DRC8: variants seen among roughly 807,000 people sequenced by gnomAD.
The protein encoded by DRC8 is dynein regulatory complex protein 8.
At chr1:244,990,270 T>TA in the DRC8 span, among the ~76,000 whole-genome samples, 1 of 152,260 alleles carries the variant, frequency 6.6e-6, no homozygotes, top group Non-Finnish European at 1.5e-5. Flanking sequence ...AGGCCATTCA[T>TA]ATAGCTTCCA....
the DRC8 span, chr1:245,030,557 G>C: frequency 6.6e-6 from 1 of 152,134 alleles, no homozygotes; most frequent in African/African-American, 2.4e-5. Flanking sequence ...GGTAACACAG[G>C]GGCTCTCGTA....
At chr1:245,110,320 G>T in the DRC8 span, among the ~76,000 whole-genome samples, 6 of 152,278 alleles carry the variant, frequency 3.9e-5, no homozygotes, top group South Asian at 1.2e-3. Flanking sequence ...GGAGGTGGAG[G>T]TTGCTGTGAG....
At chr1:245,081,965 C>CA in the DRC8 span, 1 of 755,764 alleles carries the variant, frequency 1.3e-6, no homozygotes, top group Non-Finnish European at 2.3e-6. Context: ...GAGCAGGGGT[C>CA]ACGCCCAAGT....
chr1:245,024,787 A>T, the DRC8 span, among the ~76,000 whole-genome samples: 5 of 152,020 alleles, frequency 3.3e-5, no homozygotes, highest in African/African-American at 1.2e-4. Context: ...CAGGTGATCC[A>T]CCCACCTTGG....
chr1:244,999,780 A>G, the DRC8 span, among the ~76,000 whole-genome samples: 1 of 152,148 alleles, frequency 6.6e-6, no homozygotes, highest in East Asian at 1.9e-4. Context: ...TTTCCTATAC[A>G]TACATACCCA....
chr1:245,074,228 G>A, the DRC8 span, among the ~76,000 whole-genome samples: 1 of 152,130 alleles, frequency 6.6e-6, no homozygotes, highest in South Asian at 2.1e-4. Context: ...TCACAACCAA[G>A]AATAAAGCTT....
chr1:244,974,717 G>A, the DRC8 span, among the ~76,000 whole-genome samples: 1 of 151,952 alleles, frequency 6.6e-6, no homozygotes, highest in Non-Finnish European at 1.5e-5. Flanking sequence ...CTGGAATGTG[G>A]TGGTGCAACC....
the DRC8 span, among the ~76,000 whole-genome samples, chr1:245,088,405 AACATTT>A: frequency 6.6e-6 from 1 of 151,596 alleles, no homozygotes; most frequent in Non-Finnish European, 1.5e-5. This position sits in a 1 kb window ranked among gnomAD's most constrained non-coding sequence, Gnocchi z 4.6. Context: ...CATAGATGTA[AACATTT>A]AGAGTTGCTG....
At chr1:245,085,970 TGATGGTAATGA>T in the DRC8 span, among the ~76,000 whole-genome samples, 1 of 152,196 alleles carries the variant, frequency 6.6e-6, no homozygotes, top group Non-Finnish European at 1.5e-5. Flanking sequence ...ATGGCGAGTA[TGATGGTAATGA>T]GACTGACTCA....
the DRC8 span, among the ~76,000 whole-genome samples, chr1:245,013,635 T>C: frequency 6.6e-6 from 1 of 152,172 alleles, no homozygotes; most frequent in Non-Finnish European, 1.5e-5. Flanking sequence ...TAATGGAATA[T>C]CAGGCAGTCA....
the DRC8 span, among the ~76,000 whole-genome samples, chr1:245,075,802 C>T: frequency 6.6e-6 from 1 of 152,176 alleles, no homozygotes; most frequent in Non-Finnish European, 1.5e-5. Context: ...ACTTACTTTG[C>T]CTCATTCATG....
the DRC8 span, among the ~76,000 whole-genome samples, chr1:245,004,731 T>C: frequency 6.6e-6 from 1 of 152,226 alleles, no homozygotes; most frequent in Non-Finnish European, 1.5e-5. Context: ...ATGCTTATTC[T>C]AAGGGCACGC....
the DRC8 span, among the ~76,000 whole-genome samples, chr1:245,041,591 G>A: frequency 2.0e-5 from 3 of 152,078 alleles, no homozygotes; most frequent in Non-Finnish European, 2.9e-5. Flanking sequence ...GCTGAATTAC[G>A]TCCCCTCCAA....
the DRC8 span, among the ~76,000 whole-genome samples, chr1:245,001,448 G>C: frequency 6.6e-6 from 1 of 152,184 alleles, no homozygotes; most frequent in East Asian, 1.9e-4. Flanking sequence ...CCCCAGACCT[G>C]TTGAGTCAGA....
chr1:245,098,666 C>T, the DRC8 span, among the ~76,000 whole-genome samples: 6 of 152,280 alleles, frequency 3.9e-5, no homozygotes, highest in Non-Finnish European at 8.8e-5. Flanking sequence ...TTTTCAGTTG[C>T]TTTGAAATCT....
chr1:245,072,357 A>G, the DRC8 span, among the ~76,000 whole-genome samples: 1 of 152,040 alleles, frequency 6.6e-6, no homozygotes. Flanking sequence ...CTCCCACCTC[A>G]GCTTCCCAAG....
the DRC8 span, among the ~76,000 whole-genome samples, chr1:245,101,734 TTAATA>T: frequency 6.6e-6 from 1 of 152,186 alleles, no homozygotes; most frequent in East Asian, 1.9e-4. Flanking sequence ...ATGTGATAAT[TTAATA>T]TATTTATATC....
the DRC8 span, among the ~76,000 whole-genome samples, chr1:245,062,710 C>T: frequency 6.6e-6 from 1 of 152,180 alleles, no homozygotes; most frequent in African/African-American, 2.4e-5. Flanking sequence ...CATCTGCATC[C>T]TCCCCTTCCC....
chr1:245,048,676 G>A, the DRC8 span, among the ~76,000 whole-genome samples: 967 of 151,718 alleles, frequency 6.4e-3, 10 homozygotes, highest in African/African-American at 0.022. Flanking sequence ...TCTCTCCCCC[G>A]TTTCTCTCTA....
Sources: gnomAD v4.1 joint callset for allele counts (sites outside exome capture counted in the v4.1 genomes callset) on GRCh38, gnomAD v4.1.1 for gene constraint, Gnocchi (gnomAD v3.1) non-coding constraint, MANE v1.5 for transcripts, NCBI Gene and HGNC (gene_info 2026-07-23, HGNC 2026-07-21) for gene names.